The following NSD2 variants were observed in gnomAD, a reference collection of about 807,000 sequenced individuals.
NSD2 encodes histone-lysine N-methyltransferase NSD2.
Under a neutral mutation model 139.0 loss-of-function variants are expected in NSD2, and 12 were observed. The observed-to-expected ratio is 0.09, with a 90% CI of 0.06 to 0.14. The LOEUF (loss-of-function observed/expected upper bound fraction) is 0.14, where lower values mean the gene tolerates loss of function less well. Ranked by LOEUF, NSD2 falls within the 10% of genes least tolerant of loss-of-function variation. NSD2 has a pLI of 1.00. For missense variants in NSD2, 1,155 were observed against 1,745.0 expected, an observed-to-expected ratio of 0.66 and a Z score of 6.02; for synonymous variants, 669 against 648.7, an observed-to-expected ratio of 1.03 and a Z score of -0.48.
chr4:1,961,904 A>C (rs1261867287), intron 18 of NSD2, among the ~76,000 whole-genome samples: 1 of 152,224 alleles, frequency 6.6e-6, no homozygotes, highest in African/African-American at 2.4e-5. Context: ...GGGAGATAGA[A>C]TACATGTTTC....
intron 5 of NSD2, among the ~76,000 whole-genome samples, chr4:1,921,859 C>T (rs375556718): frequency 2.2e-4 from 33 of 151,806 alleles, no homozygotes; most frequent in African/African-American, 7.5e-4. Context: ...AAATAGTAGC[C>T]AATATTAGGC....
chr4:1,911,296 A>T (rs914947554), intron 3 of NSD2, among the ~76,000 whole-genome samples: 4 of 152,154 alleles, frequency 2.6e-5, no homozygotes, highest in Admixed American at 2.6e-4. Context: ...CAGAAATTGC[A>T]TAGGAAGAGG....
intron 3 of NSD2, among the ~76,000 whole-genome samples, chr4:1,910,331 T>C (rs1284309284): frequency 6.6e-6 from 1 of 152,042 alleles, no homozygotes; most frequent in Non-Finnish European, 1.5e-5. Context: ...GTTCAAGTGA[T>C]TCTCCTGCCG....
chr4:1,955,992 G>A lies in NSD2; in HGVS notation c.2685G>A (p.Pro895=), dbSNP rs771145606. The A allele has an allele frequency of 9.9e-6, 16 of 1,613,932 alleles. No individual in the cohort carries two copies. In the Admixed American group the frequency reaches 1.0e-4, roughly 10 times the overall value. ...TTAATATTTATAATAGATGGTGGCC[G>A]GCAGAAGTTTGCCATCCCAAAAATG... ...WVKLGNYRWW[P]AEVCHPKNVP... Residue 895 remains proline (P), a synonymous_variant, in exon 15 of 22, where the codon CCG becomes CCA. Transcript: ENST00000508803. The surrounding 1 kb of genome is among the most constrained non-coding windows in gnomAD (Gnocchi z 4.7).
chr4:1,945,901 A>T (rs1411244632), intron 9 of NSD2: 12 of 1,059,530 alleles, frequency 1.1e-5, no homozygotes, highest in Non-Finnish European at 1.4e-5. Context: ...TTTTCATTTG[A>T]CTTACAACAC....
At chr4:1,937,493 T>C (rs1722539561) in intron 7 of NSD2, among the ~76,000 whole-genome samples, 2 of 152,180 alleles carry the variant, frequency 1.3e-5, no homozygotes, top group South Asian at 4.1e-4. Flanking sequence ...AAGTGGCTAG[T>C]AATGTTTTAT....
chr4:1,942,270 T>C lies in NSD2; in HGVS notation c.1881+2492T>C, dbSNP rs986616389. On this transcript the variant is annotated intron_variant, in intron 9 of 21. Transcript: ENST00000508803. This position sits in a 1 kb window ranked among gnomAD's most constrained non-coding sequence, Gnocchi z 4.0. ...TGAAGGAATTAATGTGATTTAAGTG[T>C]TTTGTAACTTCATTTTTTATTCCTT... 3.4e-5 allele frequency: 54 copies of C among 1,592,738 alleles called. 1 individual carries two copies. The Middle Eastern group carries it at 5.0e-4, about 15-fold the overall frequency.
chr4:1,896,212 G>T (rs1716276090), intron 1 of NSD2, among the ~76,000 whole-genome samples: 1 of 152,198 alleles, frequency 6.6e-6, no homozygotes, highest in Admixed American at 6.5e-5. Context: ...TGTGCAGGCA[G>T]CCCAGTCAGG....
Position 1,956,255 on chromosome 4 carries a change from T to A in NSD2, c.2881+67T>A. On this transcript the variant is annotated intron_variant, in intron 15 of 21. Transcript: ENST00000508803. This position sits in a 1 kb window ranked among gnomAD's most constrained non-coding sequence, Gnocchi z 5.3. The stretch of plus-strand genomic sequence containing the variant: ...GCATTTTCTTACCCCTAATTTCTAT[T>A]TTTTAAAATTTGATCTTTATAGAAA... 1 of 1,392,034 alleles carries A rather than the reference T, an allele frequency of 7.2e-7. No homozygotes were observed. The highest frequency in any genetic ancestry group is 9.6e-7 in the Non-Finnish European group (1 of 1,037,042). 86.2% of individuals were successfully genotyped at this position (1,392,034 alleles called of 1,614,324 possible).
rs771978108 is a variant in NSD2, at chr4:1,955,139, G to C, written c.2339-22G>C. On this transcript the variant is annotated intron_variant, in intron 12 of 21. Transcript: ENST00000508803. The surrounding 1 kb of genome is among the most constrained non-coding windows in gnomAD (Gnocchi z 4.7). ...CTGGAGTCAGTGTTTGGGGTCCTTA[G>C]GGTGTGTTTCTTTGCCTTCAGGTAA... The C allele has an allele frequency of 1.9e-5, 30 of 1,588,022 alleles. No homozygotes were observed. The highest frequency in any genetic ancestry group is 2.6e-5 in the Non-Finnish European group (30 of 1,158,486).
chr4:1,878,251 ATTTTTTTTTTT>A (rs71589624), intron 1 of NSD2, among the ~76,000 whole-genome samples: 40 of 29,260 alleles, frequency 1.4e-3, no homozygotes, highest in African/African-American at 3.7e-3. Context: ...ATATATATAT[ATTTTTTTTTTT>A]TTTTTTTTTT....
At chr4:1,964,603 A>G (rs1307921507) in intron 18 of NSD2, among the ~76,000 whole-genome samples, 1 of 152,152 alleles carries the variant, frequency 6.6e-6, no homozygotes, top group African/African-American at 2.4e-5. Context: ...GCTTCTGATC[A>G]CAGAGGTGCA....
chr4:1,885,058 C>T (rs997977196), intron 1 of NSD2, among the ~76,000 whole-genome samples: 2 of 150,932 alleles, frequency 1.3e-5, no homozygotes, highest in African/African-American at 2.4e-5. Context: ...TGCAGTGAGC[C>T]GAGATCATGC....
intron 9 of NSD2, chr4:1,939,989 G>A (rs1042798600): frequency 1.5e-5 from 21 of 1,420,474 alleles, no homozygotes; most frequent in South Asian, 7.6e-5. Flanking sequence ...TTATACACAC[G>A]CACACAGTGT....
rs533537804 is a variant in NSD2, at chr4:1,877,725, C to T, written c.-30+6183C>T. Among the ~76,000 whole-genome samples the T allele has an allele frequency of 2.2e-3, 333 of 152,302 alleles. 1 individual carries two copies. The highest frequency in any genetic ancestry group is 7.9e-3 in the African/African-American group (329 of 41,566). On this transcript the variant is annotated intron_variant, in intron 1 of 21. Coordinates refer to ENST00000508803, the MANE Select transcript of NSD2 (RefSeq NM_001042424.3). ...GCCTCTTGCCTGCTCTGAAGCCCTG[C>T]AGCTCTGCTGCCTCCGACTAGTGCC...
intron 9 of NSD2, chr4:1,945,052 CG>C: frequency 9.4e-7 from 1 of 1,066,032 alleles, no homozygotes. Context: ...GGACAGGAGT[CG>C]GGGGCTCCTC....
intron 1 of NSD2, among the ~76,000 whole-genome samples, chr4:1,886,610 T>C (rs886442140): frequency 3.9e-5 from 6 of 152,068 alleles, no homozygotes; most frequent in Non-Finnish European, 8.8e-5. Flanking sequence ...GGCGGGCAGA[T>C]CACAAGGTCA....
At chr4:1,902,192 G>A (rs569281992) in intron 2 of NSD2, among the ~76,000 whole-genome samples, 38 of 152,164 alleles carry the variant, frequency 2.5e-4, no homozygotes, top group South Asian at 2.1e-3. Flanking sequence ...TTTAGTTCTC[G>A]CTCATGTAAT....
intron 1 of NSD2, chr4:1,887,372 T>C (rs1038210761): frequency 6.6e-6 from 1 of 152,196 alleles, no homozygotes; most frequent in African/African-American, 2.4e-5. Flanking sequence ...GTCCCCACTT[T>C]TGCCATGTTT....
Sources: gnomAD v4.1 joint callset for allele counts (sites outside exome capture counted in the v4.1 genomes callset) on GRCh38, gnomAD v4.1.1 for gene constraint, Gnocchi (gnomAD v3.1) non-coding constraint, MANE v1.5 for transcripts, NCBI Gene and HGNC (gene_info 2026-07-23, HGNC 2026-07-21) for gene names.